Variants in LEPR observed in about 807,000 individuals in gnomAD.
LEPR encodes the protein OB receptor.
Under a neutral mutation model 114.7 loss-of-function variants are expected in LEPR, and 56 were observed. That is an observed-to-expected ratio of 0.49 (90% CI 0.39 to 0.61). LEPR has a LOEUF of 0.61. Among genes scored for constraint, LEPR ranks in the 20% least tolerant of loss-of-function variants. The pLI, the probability that LEPR is intolerant of heterozygous loss-of-function variation, is 0.00. For synonymous variants in LEPR, 443 were observed against 461.4 expected (o/e 0.96, Z 0.51); for missense variants, 1,202 against 1,352.9 (o/e 0.89, Z 1.75).
At chr1:65,491,744 T>C (rs1400172595) in intron 2 of LEPR, among the ~76,000 whole-genome samples, 2 of 152,230 alleles carry the variant, frequency 1.3e-5, no homozygotes, top group African/African-American at 4.8e-5. Flanking sequence ...GATGGAAACA[T>C]TGTGAGCTGG....
At chr1:65,546,850 A>G (rs1235513258) in intron 2 of LEPR, among the ~76,000 whole-genome samples, 1 of 152,100 alleles carries the variant, frequency 6.6e-6, no homozygotes, top group East Asian at 1.9e-4. Flanking sequence ...ACTATGTTGA[A>G]TAGGAGTGGT....
At chr1:65,494,150 T>C (rs1207955998) in intron 2 of LEPR, 1 of 152,198 alleles carries the variant, frequency 6.6e-6, no homozygotes, top group Non-Finnish European at 1.5e-5. Flanking sequence ...TGGCGTATTA[T>C]TTTTTCAACT....
At chr1:65,621,970 T>C (rs1017415819) in intron 18 of LEPR, among the ~76,000 whole-genome samples, 7 of 152,106 alleles carry the variant, frequency 4.6e-5, no homozygotes, top group African/African-American at 1.7e-4. Context: ...GGAATGTTTC[T>C]GGTTGGAGAT....
At chr1:65,593,772 A>T (rs1286257447) in intron 6 of LEPR, among the ~76,000 whole-genome samples, 1 of 152,120 alleles carries the variant, frequency 6.6e-6, no homozygotes, top group Non-Finnish European at 1.5e-5. Context: ...TATAGTTGTG[A>T]TCTCCACAAC....
chr1:65,598,335 T>TGTCA (rs1656220016), intron 7 of LEPR, among the ~76,000 whole-genome samples: 1 of 152,052 alleles, frequency 6.6e-6, no homozygotes, highest in Admixed American at 6.6e-5. Context: ...GTGTTATAGG[T>TGTCA]GTCAGTAGTG....
intron 5 of LEPR, among the ~76,000 whole-genome samples, chr1:65,591,798 G>T (rs1655717264): frequency 6.6e-6 from 1 of 151,832 alleles, no homozygotes; most frequent in Non-Finnish European, 1.5e-5. Context: ...GGATGTTAAG[G>T]CTGTTTGCAT....
chr1:65,496,279 C>G (rs1449460604), intron 2 of LEPR, among the ~76,000 whole-genome samples: 1 of 152,006 alleles, frequency 6.6e-6, no homozygotes, highest in Non-Finnish European at 1.5e-5. Flanking sequence ...TTAATAAAAA[C>G]TTTTATTTTA....
chr1:65,427,371 T>C (rs1646399801), intron 2 of LEPR, among the ~76,000 whole-genome samples: 1 of 152,062 alleles, frequency 6.6e-6, no homozygotes, highest in Non-Finnish European at 1.5e-5. Context: ...GCCAGGAGTT[T>C]GAGACCAGTC....
intron 19 of LEPR, among the ~76,000 whole-genome samples, chr1:65,629,625 C>T (rs1658410842): frequency 6.6e-6 from 1 of 151,254 alleles, no homozygotes; most frequent in African/African-American, 2.4e-5. Context: ...TTGTCCCTTC[C>T]TTCCTCTTCC....
intron 1 of LEPR, among the ~76,000 whole-genome samples, chr1:65,421,170 CCT>C (rs1646242050): frequency 1.3e-5 from 2 of 152,344 alleles, no homozygotes; most frequent in South Asian, 2.1e-4. Flanking sequence ...GAAACTTAAT[CCT>C]CTTTTTCCTA....
intron 5 of LEPR, among the ~76,000 whole-genome samples, chr1:65,583,263 T>C (rs1310273799): frequency 6.6e-6 from 1 of 152,158 alleles, no homozygotes; most frequent in Non-Finnish European, 1.5e-5. Flanking sequence ...GCAGAGTACT[T>C]TGAAAGCAGG....
At chr1:65,584,060 C>G (rs894633491) in intron 5 of LEPR, among the ~76,000 whole-genome samples, 1 of 152,066 alleles carries the variant, frequency 6.6e-6, no homozygotes, top group African/African-American at 2.4e-5. Flanking sequence ...AAGGGGTGCA[C>G]TTTTCATTCT....
In LEPR at chr1:65,525,735, C is replaced by T. The variant is rs957733873; in HGVS notation, c.-20-39811C>T. The T allele has an allele frequency of 2.9e-5, 29 of 986,112 alleles. No homozygotes were observed. The African/African-American group carries it at 4.9e-4, about 17-fold the overall frequency. The allele number at this position is 986,112 out of a possible 1,614,324, so 61.1% of individuals were successfully genotyped here. A position where few individuals can be genotyped will look rare whatever the true frequency, so the allele number is the denominator to read the frequency against. On this transcript the variant is annotated intron_variant, in intron 2 of 19. Coordinates refer to ENST00000349533, the MANE Select transcript of LEPR (RefSeq NM_002303.6). Reference sequence around the variant, plus strand: ...GCGGCCCCATCGCAGAGCCCACGGCCAGCCGAGCGCGCGCGACGCAGGTGC... The same window carrying T: ...GCGGCCCCATCGCAGAGCCCACGGCTAGCCGAGCGCGCGCGACGCAGGTGC...
chr1:65,512,696 G>A lies in LEPR; in HGVS notation c.-20-52850G>A, dbSNP rs376617480. The stretch of plus-strand genomic sequence containing the variant: ...TCAACAAATGACCAAATATCAGAAC[G>A]TTTGCTTATTCTGGCCCTGCCTTCC... On this transcript the variant is annotated intron_variant, in intron 2 of 19. Transcript: ENST00000349533. Among the ~76,000 whole-genome samples the A allele has an allele frequency of 3.3e-5, 5 of 152,224 alleles. No homozygotes were observed. The East Asian group carries it at 5.8e-4, about 18-fold the overall frequency.
chr1:65,612,215 A>G (rs528885266), intron 14 of LEPR, among the ~76,000 whole-genome samples: 1 of 152,306 alleles, frequency 6.6e-6, no homozygotes, highest in East Asian at 1.9e-4. Flanking sequence ...AAAATAATAA[A>G]CTTTACGTTA....
At chr1:65,523,380 G>A (rs746023561) in intron 2 of LEPR, among the ~76,000 whole-genome samples, 16 of 151,660 alleles carry the variant, frequency 1.1e-4, no homozygotes, top group Non-Finnish European at 1.9e-4. Context: ...GTGTGATCTC[G>A]GTTCAATGCA....
At chr1:65,551,895 G>A (rs765102601) in intron 2 of LEPR, among the ~76,000 whole-genome samples, 8 of 152,066 alleles carry the variant, frequency 5.3e-5, no homozygotes, top group Non-Finnish European at 1.2e-4. Flanking sequence ...CAGAGATTCT[G>A]GTACGTTGTG....
At chr1:65,447,534 C>CT (rs576747673) in intron 2 of LEPR, among the ~76,000 whole-genome samples, 9,165 of 135,506 alleles carry the variant, frequency 0.068, 417 homozygotes, top group South Asian at 0.11. Context: ...TTTTTCTTTT[C>CT]TTTTTTTTTT....
Position 65,608,305 on chromosome 1 carries a change from A to G in LEPR, c.1604-448A>G, listed in dbSNP as rs1656949318. Among the ~76,000 whole-genome samples the G allele has an allele frequency of 2.7e-5, 4 of 149,562 alleles. No homozygotes were observed. In the Admixed American group the frequency reaches 2.7e-4, roughly 10 times the overall value. The stretch of plus-strand genomic sequence containing the variant: ...GAGTGCAGTGGCGCAATCTCGGCTC[A>G]CTGCAAGCTTCACCTCCCGGGTTCA... On this transcript the variant is annotated intron_variant, in intron 11 of 19. Coordinates refer to ENST00000349533, the MANE Select transcript of LEPR (RefSeq NM_002303.6).
Sources: allele counts gnomAD v4.1 joint callset (sites outside exome capture counted in the v4.1 genomes callset), GRCh38; gene constraint gnomAD v4.1.1; transcripts MANE v1.5; gene names NCBI Gene and HGNC (gene_info 2026-07-23, HGNC 2026-07-21).